The following SUSD5 variants were observed in gnomAD, a reference collection of about 807,000 sequenced individuals.
The protein encoded by SUSD5 is sushi domain-containing protein 5.
In SUSD5, 33 loss-of-function variants were observed where a neutral mutation model predicts 29.5. The observed-to-expected ratio is 1.12, with a 90% CI of 0.85 to 1.49. The LOEUF (loss-of-function observed/expected upper bound fraction) is 1.49, where lower values mean the gene tolerates loss of function less well. Ranked by LOEUF, SUSD5 falls within the 40% of genes most tolerant of loss-of-function variation. The pLI is 0.00. For synonymous variants in SUSD5, 308 were observed against 325.3 expected, an observed-to-expected ratio of 0.95 and a Z score of 0.57; for missense variants, 776 against 800.6, an observed-to-expected ratio of 0.97 and a Z score of 0.37.
intron 4 of SUSD5, among the ~76,000 whole-genome samples, chr3:33,157,842 A>C (rs1379253430): frequency 1.3e-5 from 2 of 152,378 alleles, no homozygotes; most frequent in East Asian, 1.9e-4. Context: ...GCTGTGGCTG[A>C]CCACATTCAC....
chr3:33,199,072 T>C (rs2032051071), intron 3 of SUSD5, among the ~76,000 whole-genome samples: 1 of 152,032 alleles, frequency 6.6e-6, no homozygotes, highest in Admixed American at 6.5e-5. Flanking sequence ...ACATAAGAAA[T>C]GCAATAATGC....
intron 3 of SUSD5, among the ~76,000 whole-genome samples, chr3:33,206,879 G>A (rs977635473): frequency 2.0e-5 from 3 of 152,098 alleles, no homozygotes; most frequent in Admixed American, 6.5e-5. Flanking sequence ...CTTTAGCGCT[G>A]GCACTGAGGC....
At chr3:33,181,716 C>G (rs1471110134) in intron 3 of SUSD5, among the ~76,000 whole-genome samples, 1 of 152,078 alleles carries the variant, frequency 6.6e-6, no homozygotes, top group Non-Finnish European at 1.5e-5. Flanking sequence ...TTTTACTGTA[C>G]CTTTTCTATG....
chr3:33,207,471 G>A (rs2032243035), intron 3 of SUSD5, among the ~76,000 whole-genome samples: 1 of 152,154 alleles, frequency 6.6e-6, no homozygotes, highest in Non-Finnish European at 1.5e-5. Context: ...ACACATGACT[G>A]ACAGGTGTGG....
chr3:33,171,943 A>G (rs969292971), intron 4 of SUSD5, among the ~76,000 whole-genome samples: 1 of 152,178 alleles, frequency 6.6e-6, no homozygotes, highest in African/African-American at 2.4e-5. Flanking sequence ...CCAGTTTACT[A>G]GAGTTTCCTT....
At chr3:33,159,064 G>C (rs1459761226) in intron 4 of SUSD5, among the ~76,000 whole-genome samples, 1 of 152,236 alleles carries the variant, frequency 6.6e-6, no homozygotes, top group Non-Finnish European at 1.5e-5. Context: ...CTCACTGACT[G>C]TTGGGAGTAA....
chr3:33,213,743 C>T (rs2032368956), intron 2 of SUSD5, among the ~76,000 whole-genome samples, 185 bp downstream of exon 2: 1 of 151,884 alleles, frequency 6.6e-6, no homozygotes, highest in African/African-American at 2.4e-5. Context: ...CACTGCACTC[C>T]AACCTGGGCA....
rs919561122 is a variant in SUSD5 at position 33,152,304 on chromosome 3, C to T, written c.*438G>A. 1.9e-5 allele frequency: 3 copies of T among 158,914 alleles called. No individual in the cohort carries two copies. The highest frequency in any genetic ancestry group is 7.2e-5 in the African/African-American group (3 of 41,466). The allele number at this position is 158,914 out of a possible 1,614,324, so 9.8% of individuals were successfully genotyped here. A position where few individuals can be genotyped will look rare whatever the true frequency, so the allele number is the denominator to read the frequency against. Reference sequence around the variant, plus strand: ...GCATGGTGGTGCATGCCTGTAATCCCACCTACTTGGGAGGCTGAGGCAGGA... The same window carrying T: ...GCATGGTGGTGCATGCCTGTAATCCTACCTACTTGGGAGGCTGAGGCAGGA... On this transcript the variant is annotated 3_prime_UTR_variant, in exon 5 of 5. Coordinates refer to ENST00000309558, the MANE Select transcript of SUSD5 (RefSeq NM_015551.2).
rs1194207780 is a variant in SUSD5 at position 33,150,364 on chromosome 3, AATTT to A, written c.*2374_*2377del. 1.3e-5 allele frequency: 2 copies of A among 151,896 alleles called. No homozygotes were observed. The highest frequency in any genetic ancestry group is 2.1e-4 in the South Asian group (1 of 4,814). 9.4% of individuals were successfully genotyped at this position (151,896 alleles called of 1,614,324 possible). A position where few individuals can be genotyped will look rare whatever the true frequency, so the allele number is the denominator to read the frequency against. On this transcript the variant is annotated 3_prime_UTR_variant, in exon 5 of 5. Coordinates refer to ENST00000309558, the MANE Select transcript of SUSD5 (RefSeq NM_015551.2). ...TACACTGTATTAATAATTTGTAATA[AATTT>A]ATTAATACACTGTATTAATATTGCC...
chr3:33,187,567 AG>A (rs2031803084), intron 3 of SUSD5, among the ~76,000 whole-genome samples: 1 of 152,094 alleles, frequency 6.6e-6, no homozygotes, highest in Non-Finnish European at 1.5e-5. Context: ...GAACCTCACA[AG>A]GGAGCTATGG....
chr3:33,206,245 G>T (rs577170836), intron 3 of SUSD5, among the ~76,000 whole-genome samples: 24 of 152,130 alleles, frequency 1.6e-4, no homozygotes, highest in Middle Eastern at 3.4e-3. Flanking sequence ...ATGGTGGCGG[G>T]CGCCTGTAAT....
At chr3:33,199,282 CT>C (rs949802204) in intron 3 of SUSD5, among the ~76,000 whole-genome samples, 1 of 149,864 alleles carries the variant, frequency 6.7e-6, no homozygotes, top group Non-Finnish European at 1.5e-5. Context: ...GTTGTTTTTT[CT>C]TTTTTTTTGA....
intron 4 of SUSD5, among the ~76,000 whole-genome samples, chr3:33,171,280 G>C (rs1264075534): frequency 6.6e-6 from 1 of 152,042 alleles, no homozygotes. Flanking sequence ...CCGGGAGGCA[G>C]AGGTTGCGGT....
rs1444163486 is a variant in SUSD5 at position 33,152,820 on chromosome 3, C to G, written c.1812G>C (p.Lys604Asn). Residue 604 changes from lysine (K) to asparagine (N), a missense_variant, in exon 5 of 5, where the codon AAG becomes AAC. Coordinates refer to ENST00000309558, the MANE Select transcript of SUSD5 (RefSeq NM_015551.2). The part of the protein sequence containing the change: ...MVWGYRKCQH[K>N]SSVYKLNVGQ... ...CAACATTCAGCTTGTACACAGAGCT[C>G]TTGTGCTGGCACTTGCGGTAGCCCC... The G allele has an allele frequency of 6.2e-7, 1 of 1,613,998 alleles. No homozygotes were observed. The highest frequency in any genetic ancestry group is 1.7e-5 in the Admixed American group (1 of 60,030).
Position 33,191,107 on chromosome 3 carries a change from C to G in SUSD5, c.410-16033G>C, listed in dbSNP as rs1030861534. On this transcript the variant is annotated intron_variant, in intron 3 of 4. Transcript: ENST00000309558. ...ATTTACTTTTCTTTCCTGTGATGCC[C>G]TGTGCATATAATAAATTAGTATACT... 3.9e-5 allele frequency among the ~76,000 whole-genome samples: 6 copies of G among 151,932 alleles called. No individual in the cohort carries two copies. The South Asian group carries it at 1.2e-3, about 32-fold the overall frequency.
At chr3:33,172,026 T>C (rs371394816) in intron 4 of SUSD5, among the ~76,000 whole-genome samples, 25 of 152,318 alleles carry the variant, frequency 1.6e-4, no homozygotes, top group African/African-American at 5.8e-4. Flanking sequence ...GGATGTGGAA[T>C]GAATGAATGG....
chr3:33,203,094 T>A (rs911487128), intron 3 of SUSD5, among the ~76,000 whole-genome samples: 3 of 152,212 alleles, frequency 2.0e-5, no homozygotes, highest in African/African-American at 7.2e-5. Flanking sequence ...GCACAGCCTG[T>A]TCTCCTCTGC....
intron 3 of SUSD5, among the ~76,000 whole-genome samples, chr3:33,193,577 G>A (rs1415208199): frequency 6.6e-6 from 1 of 152,106 alleles, no homozygotes; most frequent in Non-Finnish European, 1.5e-5. Context: ...TTAGGGGTCT[G>A]GAGAGATTAG....
intron 3 of SUSD5, among the ~76,000 whole-genome samples, chr3:33,188,323 T>C (rs545884644): frequency 6.6e-6 from 1 of 152,300 alleles, no homozygotes; most frequent in African/African-American, 2.4e-5. Flanking sequence ...TGCCTGATCT[T>C]TCCTCCTTCC....
Sources: gnomAD v4.1 joint callset for allele counts (sites outside exome capture counted in the v4.1 genomes callset) on GRCh38, gnomAD v4.1.1 for gene constraint, MANE v1.5 for transcripts, NCBI Gene and HGNC (gene_info 2026-07-23, HGNC 2026-07-21) for gene names.